The following AGBL1 variants were observed in gnomAD, a reference collection of about 807,000 sequenced individuals.
AGBL1 encodes AGBL carboxypeptidase 1.
In AGBL1, 130 loss-of-function variants were observed where a neutral mutation model predicts 118.9. That is an observed-to-expected ratio of 1.09 (90% CI 0.95 to 1.26). The LOEUF (loss-of-function observed/expected upper bound fraction) is 1.26. Among genes scored for constraint, AGBL1 ranks in the 50% most tolerant of loss-of-function variants. The probability of loss-of-function intolerance (pLI) is 0.00; values close to 1 mark genes in which losing one functional copy is unlikely to be tolerated. For missense variants in AGBL1, 1,584 were observed against 1,298.1 expected, an observed-to-expected ratio of 1.22 and a Z score of -3.38; for synonymous variants, 555 against 478.9, an observed-to-expected ratio of 1.16 and a Z score of -2.08.
intron 24 of AGBL1, among the ~76,000 whole-genome samples, chr15:87,026,512 A>T (rs370177676): frequency 8.5e-5 from 13 of 152,198 alleles, no homozygotes; most frequent in East Asian, 3.9e-4. Flanking sequence ...GTTGGCATGG[A>T]TGTGGTGAAC....
intron 13 of AGBL1, 76 bp downstream of exon 13, chr15:86,267,152 C>T: frequency 8.9e-7 from 1 of 1,126,662 alleles, no homozygotes; most frequent in South Asian, 1.3e-5. Context: ...TCCCCATGCT[C>T]TGTTCAGTGA....
chr15:86,931,187 A>T (rs1272138692), intron 23 of AGBL1, among the ~76,000 whole-genome samples: 3 of 152,222 alleles, frequency 2.0e-5, no homozygotes, highest in Admixed American at 1.3e-4. Context: ...AAAATCTTTG[A>T]ATCTACTTAT....
rs1337492158 is a variant in AGBL1, at chr15:86,931,123, G to T, written c.3222-56864G>T. 2.6e-5 allele frequency among the ~76,000 whole-genome samples: 4 copies of T among 152,262 alleles called. No homozygotes were observed. In the East Asian group the frequency reaches 7.7e-4, roughly 29 times the overall value. On this transcript the variant is annotated intron_variant, in intron 23 of 24. Coordinates refer to the AGBL1 transcript ENST00000441037. The stretch of plus-strand genomic sequence containing the variant: ...TAAGCCAAAGCTAGCATCCTTTTCT[G>T]TTGACCCCAAGTCTTTAGACAATGC...
chr15:87,012,636 A>G (rs1186551950), intron 24 of AGBL1, among the ~76,000 whole-genome samples: 1 of 152,014 alleles, frequency 6.6e-6, no homozygotes, highest in Non-Finnish European at 1.5e-5. Flanking sequence ...CTATTATAGT[A>G]TTGGTGTTAA....
At chr15:86,415,308 C>T (rs2081676522) in intron 18 of AGBL1, among the ~76,000 whole-genome samples, 2 of 152,116 alleles carry the variant, frequency 1.3e-5, no homozygotes, top group South Asian at 4.1e-4. Context: ...GCTTCAGCAG[C>T]CAGTAGCAGC....
intron 22 of AGBL1, among the ~76,000 whole-genome samples, chr15:86,844,807 C>T (rs1037345944): frequency 1.3e-5 from 2 of 151,962 alleles, no homozygotes; most frequent in Non-Finnish European, 2.9e-5. Context: ...AAATTTTGTC[C>T]TATATTTCCA....
At chr15:86,110,487 A>G (rs2141536999) in intron 1 of AGBL1, among the ~76,000 whole-genome samples, 1 of 152,266 alleles carries the variant, frequency 6.6e-6, no homozygotes, top group Admixed American at 6.5e-5. Flanking sequence ...CTTCATCCTC[A>G]TCTTTACTTT....
intron 22 of AGBL1, among the ~76,000 whole-genome samples, chr15:86,697,103 C>G (rs564180269): frequency 1.3e-5 from 2 of 151,848 alleles, no homozygotes; most frequent in South Asian, 4.2e-4. Context: ...GATAAATTTC[C>G]CAGGTGTTCT....
At chr15:86,703,352 T>C (rs976771236) in intron 22 of AGBL1, among the ~76,000 whole-genome samples, 1 of 152,182 alleles carries the variant, frequency 6.6e-6, no homozygotes, top group Non-Finnish European at 1.5e-5. Flanking sequence ...ATGGCGTGAC[T>C]TTAACTCTGG....
intron 21 of AGBL1, among the ~76,000 whole-genome samples, chr15:86,669,931 CTT>C (rs1567113231): frequency 6.6e-6 from 1 of 152,086 alleles, no homozygotes; most frequent in African/African-American, 2.4e-5. Flanking sequence ...TGTACCTTGA[CTT>C]TATTCAACTT....
At chr15:86,841,993 G>A (rs2079252596) in intron 22 of AGBL1, among the ~76,000 whole-genome samples, 1 of 152,160 alleles carries the variant, frequency 6.6e-6, no homozygotes, top group Non-Finnish European at 1.5e-5. Flanking sequence ...AATTAACAGA[G>A]TCTGGCTCAT....
At chr15:87,023,610 A>C (rs1182129709) in intron 24 of AGBL1, among the ~76,000 whole-genome samples, 1 of 152,108 alleles carries the variant, frequency 6.6e-6, no homozygotes, top group Non-Finnish European at 1.5e-5. Context: ...CAATGGATTT[A>C]ATCTATACCC....
intron 22 of AGBL1, among the ~76,000 whole-genome samples, chr15:86,853,120 C>G (rs946056477): frequency 6.6e-6 from 1 of 152,172 alleles, no homozygotes; most frequent in Non-Finnish European, 1.5e-5. Context: ...GCCAAGGCAT[C>G]AGAATTCTGA....
intron 5 of AGBL1, among the ~76,000 whole-genome samples, chr15:86,171,575 G>T (rs113998617): frequency 2.6e-5 from 4 of 152,116 alleles, no homozygotes; most frequent in African/African-American, 9.7e-5. Flanking sequence ...AGAGAAAAAG[G>T]TAGTTGAAGG....
chr15:86,383,966 T>C (rs751526), intron 17 of AGBL1, among the ~76,000 whole-genome samples: 55,782 of 152,106 alleles, frequency 0.37, 11,386 homozygotes, highest in East Asian at 0.75. Context: ...TGTTATCTCT[T>C]AGTGCTTTAT....
intron 21 of AGBL1, among the ~76,000 whole-genome samples, chr15:86,638,370 G>C (rs573882814): frequency 2.6e-5 from 4 of 152,270 alleles, no homozygotes; most frequent in East Asian, 3.9e-4. Flanking sequence ...CCAAGGAAGC[G>C]ATGTGCTGCA....
intron 21 of AGBL1, among the ~76,000 whole-genome samples, chr15:86,574,061 T>C (rs775751348): frequency 1.3e-5 from 2 of 151,360 alleles, no homozygotes; most frequent in Non-Finnish European, 2.9e-5. Context: ...AAAAAAACCA[T>C]AAAAGTGAGA....
At chr15:86,605,701 C>A (rs1402369063) in intron 21 of AGBL1, among the ~76,000 whole-genome samples, 2 of 152,070 alleles carry the variant, frequency 1.3e-5, no homozygotes, top group Non-Finnish European at 2.9e-5. Context: ...TTTGATTTTT[C>A]AGAATATCGC....
chr15:86,396,354 C>T (rs1789802440), intron 17 of AGBL1, among the ~76,000 whole-genome samples: 1 of 151,676 alleles, frequency 6.6e-6, no homozygotes, highest in Non-Finnish European at 1.5e-5. Flanking sequence ...GATACTCCAG[C>T]TATCTTCTAT....
Sources: gnomAD v4.1 joint callset for allele counts (sites outside exome capture counted in the v4.1 genomes callset) on GRCh38, gnomAD v4.1.1 for gene constraint, MANE v1.5 for transcripts, NCBI Gene and HGNC (gene_info 2026-07-23, HGNC 2026-07-21) for gene names.